Variants in CACNB2 observed in about 807,000 individuals in gnomAD.
CACNB2 encodes the protein voltage-dependent L-type calcium channel subunit beta-2.
A neutral mutation model predicts 73.3 loss-of-function variants in CACNB2; 42 were observed. The observed-to-expected ratio is 0.57, with a 90% CI of 0.45 to 0.74. The LOEUF (loss-of-function observed/expected upper bound fraction) is 0.74, where lower values mean the gene tolerates loss of function less well. CACNB2 is among the 30% of genes least tolerant of loss of function. The probability of loss-of-function intolerance (pLI) is 0.00; values close to 1 mark genes in which losing one functional copy is unlikely to be tolerated. For synonymous variants in CACNB2, 348 were observed against 310.3 expected (o/e 1.12, Z -1.28); for missense variants, 940 against 853.0 (o/e 1.10, Z -1.27).
In CACNB2 at chr10:18,451,170, C is replaced by A. The variant is rs150530649; in HGVS notation, c.334-47185C>A. 6.2e-3 allele frequency among the ~76,000 whole-genome samples: 943 copies of A among 152,270 alleles called. 12 individuals are homozygous for A. Among genetic ancestry groups the A allele is most frequent in the African/African-American group, 0.021 (892 of 41,566 alleles). On this transcript the variant is annotated intron_variant, in intron 3 of 13. Coordinates refer to ENST00000324631, the MANE Select transcript of CACNB2 (RefSeq NM_201596.3). ...ATGGTGGGAATTGGACACATTTGAG[C>A]ATTTCCTCAGTGGTTCTTGCATTTC...
chr10:18,187,964 A>G (rs1027114333), intron 2 of CACNB2, among the ~76,000 whole-genome samples: 4 of 152,176 alleles, frequency 2.6e-5, no homozygotes, highest in African/African-American at 7.2e-5. Flanking sequence ...GCTGAGAGTG[A>G]TGGCGGCAGT....
chr10:18,263,370 G>T (rs1588881965), intron 2 of CACNB2, among the ~76,000 whole-genome samples: 1 of 152,150 alleles, frequency 6.6e-6, no homozygotes, highest in East Asian at 1.9e-4. Flanking sequence ...TCGTCATACT[G>T]GTTGGGCTGT....
intron 3 of CACNB2, among the ~76,000 whole-genome samples, chr10:18,441,709 C>T (rs951454961): frequency 6.6e-6 from 1 of 152,012 alleles, no homozygotes; most frequent in African/African-American, 2.4e-5. Flanking sequence ...GTCACAGCGC[C>T]CTGCAGCCTT....
At chr10:18,201,695 A>G (rs1010302804) in intron 2 of CACNB2, among the ~76,000 whole-genome samples, 1 of 152,214 alleles carries the variant, frequency 6.6e-6, no homozygotes, top group Non-Finnish European at 1.5e-5. Context: ...TTTCTTGAAC[A>G]CTAATTTCTT....
intron 2 of CACNB2, among the ~76,000 whole-genome samples, chr10:18,218,128 A>G: frequency 6.6e-6 from 1 of 152,202 alleles, no homozygotes; most frequent in Admixed American, 6.5e-5. Context: ...GAGGCAGACC[A>G]CTTCAGTCTA....
intron 5 of CACNB2, among the ~76,000 whole-genome samples, chr10:18,505,786 A>G (rs1326001299): frequency 6.6e-6 from 1 of 152,248 alleles, no homozygotes. Context: ...ACACTGCAGT[A>G]TATCATATCA....
chr10:18,199,971 G>GTGTGTA (rs2034804246), intron 2 of CACNB2, among the ~76,000 whole-genome samples: 1 of 150,744 alleles, frequency 6.6e-6, no homozygotes, highest in South Asian at 2.1e-4. Context: ...GTGTGTGTGT[G>GTGTGTA]TGTGTGTGTG....
chr10:18,508,207 G>C (rs1332865169), intron 6 of CACNB2, among the ~76,000 whole-genome samples: 1 of 152,154 alleles, frequency 6.6e-6, no homozygotes, highest in African/African-American at 2.4e-5. Flanking sequence ...TAAATGAATT[G>C]CTTTAGGAAG....
intron 2 of CACNB2, among the ~76,000 whole-genome samples, chr10:18,244,902 T>A (rs189125233): frequency 6.6e-6 from 1 of 152,032 alleles, no homozygotes; most frequent in African/African-American, 2.4e-5. Flanking sequence ...AAGAGACAGA[T>A]AGGAAAGTTG....
At chr10:18,187,772 GTTTTCGAT>G (rs2034218458) in intron 2 of CACNB2, among the ~76,000 whole-genome samples, 1 of 152,180 alleles carries the variant, frequency 6.6e-6, no homozygotes, top group African/African-American at 2.4e-5. Context: ...TTTTAAGAGT[GTTTTCGAT>G]ATGACACGCT....
intron 3 of CACNB2, among the ~76,000 whole-genome samples, chr10:18,455,995 C>A (rs1182559821): frequency 2.6e-5 from 4 of 152,208 alleles, no homozygotes; most frequent in Non-Finnish European, 5.9e-5. Context: ...TGTGCAGTTA[C>A]ACCGGAAATA....
intron 6 of CACNB2, chr10:18,513,683 G>C (rs2050996356): frequency 5.0e-6 from 1 of 198,034 alleles, no homozygotes; most frequent in Admixed American, 5.3e-5. Context: ...TAAACAGCAA[G>C]TAATAAGTCA....
At chr10:18,154,117 T>TA (rs1164131514) in intron 2 of CACNB2, among the ~76,000 whole-genome samples, 2 of 151,978 alleles carry the variant, frequency 1.3e-5, no homozygotes, top group Non-Finnish European at 2.9e-5. Context: ...TATATAATTT[T>TA]AAAAACCTTA....
At chr10:18,216,501 T>C (rs1012341657) in intron 2 of CACNB2, among the ~76,000 whole-genome samples, 1 of 152,162 alleles carries the variant, frequency 6.6e-6, no homozygotes, top group African/African-American at 2.4e-5. Context: ...TGTACAACAG[T>C]CTTAACACCT....
At chr10:18,440,647 C>T (rs2046368544) in intron 3 of CACNB2, among the ~76,000 whole-genome samples, 1 of 150,066 alleles carries the variant, frequency 6.7e-6, no homozygotes, top group South Asian at 2.1e-4. Flanking sequence ...TCCCCCACCC[C>T]CCAGAGAAAA....
intron 2 of CACNB2, among the ~76,000 whole-genome samples, chr10:18,384,781 A>G (rs543160474): frequency 6.6e-6 from 1 of 151,524 alleles, no homozygotes; most frequent in African/African-American, 2.4e-5. Flanking sequence ...ACCAAAAATA[A>G]AGTAATATGA....
At chr10:18,467,447 G>C (rs2047956104) in intron 3 of CACNB2, among the ~76,000 whole-genome samples, 1 of 152,144 alleles carries the variant, frequency 6.6e-6, no homozygotes, top group Admixed American at 6.5e-5. Context: ...AAAACAATAG[G>C]AGGTGGTTCC....
chr10:18,537,543 G>A (rs1349439250), intron 12 of CACNB2, among the ~76,000 whole-genome samples: 6 of 152,020 alleles, frequency 3.9e-5, no homozygotes, highest in African/African-American at 7.2e-5. Flanking sequence ...TTGGGAGGCC[G>A]AGGCGGGTGA....
chr10:18,260,838 T>A, intron 2 of CACNB2: 2 of 1,059,232 alleles, frequency 1.9e-6, no homozygotes, highest in Non-Finnish European at 2.3e-6. Context: ...AAAAGCAGAG[T>A]ACTGCAGGGT....
Sources: gnomAD v4.1 joint callset for allele counts (sites outside exome capture counted in the v4.1 genomes callset) on GRCh38, gnomAD v4.1.1 for gene constraint, MANE v1.5 for transcripts, NCBI Gene and HGNC (gene_info 2026-07-23, HGNC 2026-07-21) for gene names.